The following GSTO2 variants were observed in gnomAD, a reference collection of about 807,000 sequenced individuals.
The protein encoded by GSTO2 is glutathione S-transferase omega-2.
Under a neutral mutation model 28.4 loss-of-function variants are expected in GSTO2, and 23 were observed. The ratio of observed to expected loss-of-function variants is 0.81; its 90% confidence interval spans 0.58 to 1.15. The LOEUF (loss-of-function observed/expected upper bound fraction) is 1.15, where lower values mean the gene tolerates loss of function less well. Among genes scored for constraint, GSTO2 ranks in the 50% most tolerant of loss-of-function variants. The probability of loss-of-function intolerance (pLI) is 0.00; values close to 1 mark genes in which losing one functional copy is unlikely to be tolerated. For synonymous variants in GSTO2, 109 were observed against 111.0 expected, an observed-to-expected ratio of 0.98 and a Z score of 0.11; for missense variants, 298 against 297.8, an observed-to-expected ratio of 1.00 and a Z score of 0.00.
chr10:104,279,286 T>C (rs1040842942), intron 4 of GSTO2, 84 bp from the exon 5 acceptor site: 8 of 1,158,640 alleles, frequency 6.9e-6, no homozygotes, highest in East Asian at 2.3e-5. Flanking sequence ...GCTGGAGTTA[T>C]AAAGCTTCGC....
intron 5 of GSTO2, among the ~76,000 whole-genome samples, chr10:104,288,012 C>G (rs1262276008): frequency 6.6e-6 from 1 of 151,590 alleles, no homozygotes; most frequent in African/African-American, 2.4e-5. Context: ...CTCAGCCTCC[C>G]AAGTAGCTGG....
intron 5 of GSTO2, among the ~76,000 whole-genome samples, chr10:104,281,894 G>A (rs2012069141): frequency 6.6e-6 from 1 of 152,102 alleles, no homozygotes; most frequent in Admixed American, 6.6e-5. Flanking sequence ...TGACTCTTAG[G>A]ATGAATTAGA....
intron 3 of GSTO2, among the ~76,000 whole-genome samples, chr10:104,276,918 T>C (rs563721125): frequency 1.3e-5 from 2 of 152,318 alleles, no homozygotes; most frequent in East Asian, 3.9e-4. Flanking sequence ...TAAATAATAA[T>C]AGTATTATTT....
chr10:104,287,777 C>T (rs1203992464), intron 5 of GSTO2, among the ~76,000 whole-genome samples: 7 of 144,944 alleles, frequency 4.8e-5, no homozygotes, highest in Admixed American at 7.0e-5. Flanking sequence ...GGGCAGGGAC[C>T]GGGAGGGAAG....
At chr10:104,295,608 C>A (rs1030569175) in intron 5 of GSTO2, 8 of 152,260 alleles carry the variant, frequency 5.3e-5, no homozygotes, top group Non-Finnish European at 1.0e-4. Context: ...GCTAACATGA[C>A]CACCATTTTG....
At chr10:104,277,218 T>C (rs1292790883) in intron 3 of GSTO2, among the ~76,000 whole-genome samples, 1 of 152,214 alleles carries the variant, frequency 6.6e-6, no homozygotes, top group Admixed American at 6.5e-5. Context: ...CTGTAGAATG[T>C]ACTAAACTCT....
intron 6 of GSTO2, among the ~76,000 whole-genome samples, chr10:104,298,121 G>A (rs2135150590): frequency 6.6e-6 from 1 of 152,346 alleles, no homozygotes; most frequent in Admixed American, 6.5e-5. Flanking sequence ...AAAAAGATTT[G>A]TGTAGTAATA....
intron 5 of GSTO2, among the ~76,000 whole-genome samples, chr10:104,293,563 A>ATTTTTTTTTTGTTTTTTT (rs2012878484): frequency 1.2e-5 from 1 of 81,652 alleles, no homozygotes; most frequent in Non-Finnish European, 2.3e-5. Context: ...CGCCTGGCCA[A>ATTTTTTTTTTGTTTTTTT]TTTTTTTTTT....
chr10:104,297,640 C>T lies in GSTO2; in HGVS notation c.531C>T (p.Leu177=). The T allele has an allele frequency of 1.2e-6, 2 of 1,613,784 alleles. No individual in the cohort carries two copies. Among genetic ancestry groups the T allele is most frequent in the Non-Finnish European group, 8.5e-7 (1 of 1,179,770 alleles). ...CCTGTATATCCATGATTGATTACCT[C>T]CTCTGGCCCTGGTTTGAGCGGCTGG... is the stretch of plus-strand genomic sequence containing the variant. ...GGTCISMIDY[L]LWPWFERLDV... The change falls in exon 6 of 7, where the codon CTC becomes CTT. Residue 177 remains leucine, a synonymous_variant. Coordinates refer to ENST00000338595, the MANE Select transcript of GSTO2 (RefSeq NM_183239.2).
At position 104,274,802 on chromosome 10, in the gene GSTO2, T is replaced by C; in HGVS notation, c.-114T>C. ...GAGCCCAGTAGTTCAAAAATTAAATTTGGGGCAAGGGGTGCGCGCCAGAGC... is the reference window on the plus strand; with the variant it reads ...GAGCCCAGTAGTTCAAAAATTAAATCTGGGGCAAGGGGTGCGCGCCAGAGC... On this transcript the variant is annotated 5_prime_UTR_variant, in exon 2 of 7. Transcript: ENST00000338595. 3.8e-6 allele frequency: 5 copies of C among 1,313,704 alleles called. 1 individual carries two copies. The South Asian group carries it at 6.4e-5, about 17-fold the overall frequency. The allele number at this position is 1,313,704 out of a possible 1,614,324, so 81.4% of individuals were successfully genotyped here.
intron 5 of GSTO2, among the ~76,000 whole-genome samples, chr10:104,286,754 C>T (rs2012453647): frequency 6.6e-6 from 1 of 151,998 alleles, no homozygotes. Flanking sequence ...GTACTTCTTT[C>T]AATAGCTTTC....
intron 5 of GSTO2, among the ~76,000 whole-genome samples, chr10:104,282,514 A>T (rs2012130630): frequency 6.6e-6 from 1 of 150,386 alleles, no homozygotes; most frequent in Non-Finnish European, 1.5e-5. Flanking sequence ...TAATTGCACC[A>T]CTGCACTCCA....
intron 5 of GSTO2, among the ~76,000 whole-genome samples, chr10:104,286,203 C>T (rs1050006949): frequency 5.0e-5 from 6 of 120,198 alleles, no homozygotes; most frequent in Non-Finnish European, 8.2e-5. Context: ...AATTTCAGAG[C>T]GTTTTTTTTA....
intron 3 of GSTO2, 64 bp from the exon 4 acceptor site, chr10:104,277,830 A>G: frequency 8.3e-6 from 9 of 1,088,962 alleles, no homozygotes; most frequent in Non-Finnish European, 1.3e-5. Context: ...TGCTTTCAAG[A>G]AGAGTGCCTG....
At chr10:104,279,602 T>C (rs2011891104) in intron 5 of GSTO2, 131 bp downstream of exon 5, 1 of 629,856 alleles carries the variant, frequency 1.6e-6, no homozygotes. Context: ...CTTCTGATCA[T>C]CTGATTGCAT....
At chr10:104,282,608 G>A (rs2012141144) in intron 5 of GSTO2, among the ~76,000 whole-genome samples, 1 of 151,956 alleles carries the variant, frequency 6.6e-6, no homozygotes, top group Non-Finnish European at 1.5e-5. Context: ...TGTAGAGGAT[G>A]GATTAGAGTG....
chr10:104,270,929 C>T (rs76620346), intron 1 of GSTO2, among the ~76,000 whole-genome samples: 7 of 152,254 alleles, frequency 4.6e-5, no homozygotes, highest in Non-Finnish European at 8.8e-5. Flanking sequence ...CACCCATGAC[C>T]GAAGATCCAA....
At chr10:104,294,152 G>A (rs2012917527) in intron 5 of GSTO2, among the ~76,000 whole-genome samples, 1 of 152,128 alleles carries the variant, frequency 6.6e-6, no homozygotes, top group African/African-American at 2.4e-5. Context: ...TTGACCTTCT[G>A]TTCCAACTTG....
At position 104,269,285 on chromosome 10, in the gene GSTO2, C is replaced by G. The variant is rs978587076; in HGVS notation, c.-232+16C>G. 11 of 152,228 alleles carry G rather than the reference C, an allele frequency of 7.2e-5. No individual in the cohort carries two copies. The highest frequency in any genetic ancestry group is 1.5e-4 in the Non-Finnish European group (10 of 68,092). 9.4% of individuals were successfully genotyped at this position (152,228 alleles called of 1,614,324 possible). ...ACCGCCACCGGTGGGTCCGTTCGGC[C>G]TGCGTTGTATTGGAAGGGAAGAGGG... On this transcript the variant is annotated intron_variant, in intron 1 of 6. Coordinates refer to ENST00000338595, the MANE Select transcript of GSTO2 (RefSeq NM_183239.2).
Sources: gnomAD v4.1 joint callset for allele counts (sites outside exome capture counted in the v4.1 genomes callset) on GRCh38, gnomAD v4.1.1 for gene constraint, MANE v1.5 for transcripts, NCBI Gene and HGNC (gene_info 2026-07-23, HGNC 2026-07-21) for gene names.